CLEC2B: variants seen among roughly 807,000 people sequenced by gnomAD.
The protein encoded by CLEC2B is C-type lectin domain family 2 member B.
CLEC2B carries 14 observed loss-of-function variants against 16.2 expected under a neutral mutation model. That is an observed-to-expected ratio of 0.86 (90% confidence interval 0.57 to 1.35). The LOEUF is 1.35. Among genes scored for constraint, CLEC2B ranks in the 40% most tolerant of loss-of-function variants. The pLI is 0.00. For synonymous variants in CLEC2B, 42 were observed against 55.8 expected (o/e 0.75, Z 1.10); for missense variants, 166 against 182.3 (o/e 0.91, Z 0.52).
rs571990686 is a variant in CLEC2B at position 9,855,637 on chromosome 12, C to T, written c.238-1153G>A. On this transcript the variant is annotated intron_variant, in intron 3 of 4. Transcript: ENST00000228438. ...AGAAGAGGGTAATTCATAGTCTAGA[C>T]TCAGGAAAGGCTTCAGGAGAGAGCT... is the stretch of plus-strand genomic sequence containing the variant. 9.2e-5 allele frequency among the ~76,000 whole-genome samples: 14 copies of T among 151,780 alleles called. 2 individuals are homozygous for T. Among genetic ancestry groups the T allele is most frequent in the African/African-American group, 3.4e-4 (14 of 41,434 alleles).
rs959918655 is a variant in CLEC2B at position 9,854,446 on chromosome 12, C to A, written c.276G>T (p.Trp92Cys). The A allele has an allele frequency of 6.2e-7, 1 of 1,613,484 alleles. No individual in the cohort carries two copies. Among genetic ancestry groups the A allele is most frequent in the African/African-American group, 1.3e-5 (1 of 74,880 alleles). ...LRRYKCSSDH[W>C]IGLKMAKNRT... ...GATTTTTTGCCATCTTCAGTCCAAT[C>A]CAGTGATCAGAACTGCATTTATACC... is the stretch of plus-strand genomic sequence containing the variant. The change falls in exon 4 of 5, where the codon TGG (tryptophan) becomes TGT (cysteine). Residue 92 changes from tryptophan to cysteine, a missense_variant. Physicochemically the swap from Trp to Cys is radical, Grantham distance 215. Transcript: ENST00000228438.
intron 1 of CLEC2B, 75 bp from the exon 2 acceptor site, chr12:9,862,648 T>C: frequency 1.6e-6 from 2 of 1,266,626 alleles, no homozygotes; most frequent in Non-Finnish European, 2.0e-6. Context: ...TTGGCTTTAA[T>C]GTCCCCCACA....
At chr12:9,868,460 A>G (rs113557392) in intron 1 of CLEC2B, among the ~76,000 whole-genome samples, 168 of 152,234 alleles carry the variant, frequency 1.1e-3, no homozygotes, top group African/African-American at 3.9e-3. Context: ...ACATTTAGTT[A>G]AACGGGAAAT....
At chr12:9,858,835 C>A (rs756202978) in intron 2 of CLEC2B, among the ~76,000 whole-genome samples, 15 of 151,758 alleles carry the variant, frequency 9.9e-5, no homozygotes, top group Admixed American at 2.0e-4. Flanking sequence ...CATTATAGTT[C>A]ATTTACCCAG....
intron 1 of CLEC2B, among the ~76,000 whole-genome samples, chr12:9,868,388 A>G (rs963530488): frequency 5.3e-5 from 8 of 152,068 alleles, no homozygotes; most frequent in African/African-American, 1.7e-4. Context: ...GGAAGGATAA[A>G]GTGTGCATTC....
In CLEC2B at chr12:9,865,654, T is replaced by A. The variant is rs1867965468; in HGVS notation, c.-2-3081A>T. On this transcript the variant is annotated intron_variant, in intron 1 of 4. Transcript: ENST00000228438. The stretch of plus-strand genomic sequence containing the variant: ...AATATTGGAGTTATACTGCACACTT[T>A]ACCAAATATATCCAACTGACACGTA... 2.0e-5 allele frequency among the ~76,000 whole-genome samples: 3 copies of A among 152,314 alleles called. No homozygotes were observed. In the South Asian group the frequency reaches 6.2e-4, roughly 32 times the overall value.
intron 3 of CLEC2B, among the ~76,000 whole-genome samples, chr12:9,856,709 G>A (rs2136977562): frequency 6.6e-6 from 1 of 152,082 alleles, no homozygotes. Context: ...TTTTAATCAA[G>A]TTATATTACC....
At chr12:9,861,698 G>A (rs963384384) in intron 2 of CLEC2B, among the ~76,000 whole-genome samples, 5 of 151,978 alleles carry the variant, frequency 3.3e-5, no homozygotes, top group African/African-American at 9.7e-5. Context: ...CTAAACATCC[G>A]CTAATACAGC....
At position 9,852,656 on chromosome 12, in the gene CLEC2B, C is replaced by T. The variant is rs1248274153; in HGVS notation, c.*644G>A. On this transcript the variant is annotated 3_prime_UTR_variant, in exon 5 of 5. Coordinates refer to ENST00000228438, the MANE Select transcript of CLEC2B (RefSeq NM_005127.3). ...AGAATGACCCCATTTGTTTGATCAA[C>T]TTGTACAGATCAAAGAAAGTTTAAT... Among the ~76,000 whole-genome samples, 1 of 152,140 alleles carries T rather than the reference C, an allele frequency of 6.6e-6. No homozygotes were observed.
intron 1 of CLEC2B, among the ~76,000 whole-genome samples, chr12:9,863,836 T>G (rs1867950821): frequency 6.6e-6 from 1 of 152,090 alleles, no homozygotes; most frequent in Non-Finnish European, 1.5e-5. Context: ...TAAGAATTAT[T>G]GGTGTTTAAG....
chr12:9,866,070 C>A (rs1397344186), intron 1 of CLEC2B, among the ~76,000 whole-genome samples: 7 of 151,906 alleles, frequency 4.6e-5, no homozygotes, highest in Admixed American at 4.6e-4. Flanking sequence ...AGATAAATAA[C>A]CTAATGATGA....
chr12:9,858,113 G>A (rs184540835), intron 2 of CLEC2B, among the ~76,000 whole-genome samples: 11 of 152,104 alleles, frequency 7.2e-5, no homozygotes, highest in East Asian at 5.8e-4. Flanking sequence ...GTATAGCTCC[G>A]GTTTAGCCAA....
rs546904887 is a variant in CLEC2B, at chr12:9,857,497, T to C, written c.214A>G (p.Ile72Val). 3.1e-6 allele frequency: 5 copies of C among 1,609,802 alleles called. No individual in the cohort carries two copies. The South Asian group carries it at 5.5e-5, about 18-fold the overall frequency. ...ACCATTTCTTCTATGTTGTCAATTATAGTTAGGTCGGCATGTTGAGTGGAA... is the reference window on the plus strand; with the variant it reads ...ACCATTTCTTCTATGTTGTCAATTACAGTTAGGTCGGCATGTTGAGTGGAA... ...NCSTQHADLTIIDNIEEMNFL... is the reference protein window; with the variant it reads ...NCSTQHADLTVIDNIEEMNFL... Residue 72 changes from isoleucine (I) to valine (V), a missense_variant, in exon 3 of 5, where the codon ATA (isoleucine) becomes GTA (valine). Coordinates refer to ENST00000228438, the MANE Select transcript of CLEC2B (RefSeq NM_005127.3).
Position 9,853,083 on chromosome 12 carries a change from A to AAGAAAGAAAGAGAAAGAAAGAG in CLEC2B, c.*216_*217insCTCTTTCTTTCTCTTTCTTTCT. ...AAAGAAAGAAAGAAAGAAAGAAAGA[A>AAGAAAGAAAGAGAAAGAAAGAG]AGAGAGAGAGAGAAAGAAAGAAAGA... On this transcript the variant is annotated 3_prime_UTR_variant, in exon 5 of 5. Transcript: ENST00000228438. 8.5e-4 allele frequency: 280 copies of AAGAAAGAAAGAGAAAGAAAGAG among 329,732 alleles called. 18 individuals are homozygous for AAGAAAGAAAGAGAAAGAAAGAG. The highest frequency in any genetic ancestry group is 4.8e-3 in the African/African-American group (170 of 35,254). 20.4% of individuals were successfully genotyped at this position (329,732 alleles called of 1,614,324 possible).
At chr12:9,868,724 G>A (rs1379943276) in intron 1 of CLEC2B, among the ~76,000 whole-genome samples, 2 of 152,024 alleles carry the variant, frequency 1.3e-5, no homozygotes, top group Non-Finnish European at 2.9e-5. Context: ...CATCTCCATG[G>A]ATATCGGAGT....
At chr12:9,867,010 T>A (rs1867975416) in intron 1 of CLEC2B, 1 of 152,168 alleles carries the variant, frequency 6.6e-6, no homozygotes, top group South Asian at 2.1e-4. Flanking sequence ...TACGTACAGA[T>A]GACCCCAGCT....
intron 1 of CLEC2B, among the ~76,000 whole-genome samples, chr12:9,865,942 T>G (rs940318734): frequency 3.9e-5 from 6 of 152,060 alleles, no homozygotes; most frequent in Non-Finnish European, 1.5e-5. Flanking sequence ...TTTTAAAAAT[T>G]TCTTGAAACA....
Position 9,853,057 on chromosome 12 carries a change from AAAAG to A in CLEC2B, c.*239_*242del, listed in dbSNP as rs1229892834. ...AATTGTTTTCTGGTTTACAGTTAAA[AAAAG>A]AAAGAAAGAAAGAAAGAAAGAAAGA... On this transcript the variant is annotated 3_prime_UTR_variant, in exon 5 of 5. Transcript: ENST00000228438. 27 of 98,928 alleles carry A rather than the reference AAAAG, an allele frequency of 2.7e-4. 1 individual carries two copies. The highest frequency in any genetic ancestry group is 3.8e-4 in the African/African-American group (3 of 7,796). 6.1% of individuals were successfully genotyped at this position (98,928 alleles called of 1,614,324 possible).
rs777244581 is a variant in CLEC2B at position 9,862,488 on chromosome 12, A to T, written c.73+11T>A. Reference sequence around the variant, plus strand: ...AAAGCCATGAAAAATAAAATGAAGGATGTAACTTACCTATCAGAGTAATAA... The same window carrying T: ...AAAGCCATGAAAAATAAAATGAAGGTTGTAACTTACCTATCAGAGTAATAA... On this transcript the variant is annotated intron_variant, in intron 2 of 4. Transcript: ENST00000228438. The T allele has an allele frequency of 5.5e-6, 8 of 1,447,384 alleles. No individual in the cohort carries two copies. Among genetic ancestry groups the T allele is most frequent in the Non-Finnish European group, 5.6e-6 (6 of 1,077,954 alleles). 89.7% of individuals were successfully genotyped at this position (1,447,384 alleles called of 1,614,324 possible).
Sources: allele counts gnomAD v4.1 joint callset (sites outside exome capture counted in the v4.1 genomes callset), GRCh38; gene constraint gnomAD v4.1.1; transcripts MANE v1.5; gene names NCBI Gene and HGNC (gene_info 2026-07-23, HGNC 2026-07-21).